Variants in MRTFB observed in about 807,000 individuals in gnomAD.
MRTFB encodes myocardin-related transcription factor B.
A neutral mutation model predicts 104.2 loss-of-function variants in MRTFB; 29 were observed. The observed-to-expected ratio is 0.28, with a 90% CI of 0.21 to 0.38. The LOEUF is 0.38. MRTFB is among the 10% of genes least tolerant of loss of function. MRTFB has a pLI of 1.00. For missense variants in MRTFB, 1,270 were observed against 1,341.6 expected (o/e 0.95, Z 0.83); for synonymous variants, 535 against 519.5 (o/e 1.03, Z -0.41).
Position 14,076,125 on chromosome 16 carries a change from C to CT in MRTFB, c.-128-3156dup, listed in dbSNP as rs111920871. On this transcript the variant is annotated intron_variant, in intron 1 of 16. Transcript: ENST00000571589. ...ACATACTATGTGAATATTTTCCTTG[C>CT]TTTTTTTTTAAAGTTAATATTATCT... Among the ~76,000 whole-genome samples, 21 of 150,440 alleles carry CT rather than the reference C, an allele frequency of 1.4e-4. 1 individual carries two copies. Among genetic ancestry groups the CT allele is most frequent in the Non-Finnish European group, 2.5e-4 (17 of 67,510 alleles).
chr16:14,076,887 G>A (rs967957087), intron 1 of MRTFB, among the ~76,000 whole-genome samples: 13 of 152,122 alleles, frequency 8.5e-5, no homozygotes, highest in African/African-American at 2.4e-4. Context: ...ATTATGAATC[G>A]GGGTGAGCAT....
At chr16:14,198,957 T>C (rs1157975833) in intron 3 of MRTFB, among the ~76,000 whole-genome samples, 1 of 152,226 alleles carries the variant, frequency 6.6e-6, no homozygotes, top group Non-Finnish European at 1.5e-5. Flanking sequence ...CCCTCTCTTT[T>C]GCTCTTCATC....
At chr16:14,154,619 G>A (rs1013516974) in intron 3 of MRTFB, among the ~76,000 whole-genome samples, 1 of 152,152 alleles carries the variant, frequency 6.6e-6, no homozygotes, top group Non-Finnish European at 1.5e-5. Context: ...CAGCTTCTGT[G>A]GGTCAGGAAT....
At chr16:14,067,976 C>T (rs976453201), upstream of MRTFB, among the ~76,000 whole-genome samples, 2 of 151,962 alleles carry the variant, frequency 1.3e-5, no homozygotes, top group Admixed American at 6.6e-5. Context: ...AGACTACAGC[C>T]GCCCGCCACC....
At chr16:14,251,709 AAC>A (rs1403783706) in intron 13 of MRTFB, among the ~76,000 whole-genome samples, 151 bp from the exon 14 acceptor site, 1 of 152,224 alleles carries the variant, frequency 6.6e-6, no homozygotes, top group African/African-American at 2.4e-5. Context: ...AAGTGGTAAC[AAC>A]AGAGGCCAGG....
At position 14,245,765 on chromosome 16, in the gene MRTFB, A is replaced by G. The variant is rs2042984937; in HGVS notation, c.1212+105A>G. 9 of 1,217,600 alleles carry G rather than the reference A, an allele frequency of 7.4e-6. 1 individual carries two copies. Among genetic ancestry groups the G allele is most frequent in the South Asian group, 3.2e-5 (2 of 61,920 alleles). The allele number at this position is 1,217,600 out of a possible 1,614,324, so 75.4% of individuals were successfully genotyped here. On this transcript the variant is annotated intron_variant, in intron 11 of 16. Transcript: ENST00000571589. ...TTAAGTAGTTTTCAGTAGACATTCA[A>G]CTTTACCAACAATATGATAATCTTT...
At chr16:14,135,104 G>A (rs1390058699) in intron 2 of MRTFB, among the ~76,000 whole-genome samples, 1 of 152,094 alleles carries the variant, frequency 6.6e-6, no homozygotes, top group Non-Finnish European at 1.5e-5. Context: ...TTTTTTCAGC[G>A]TTCTGGCCTT....
At chr16:14,188,062 A>G (rs1315597136) in intron 3 of MRTFB, among the ~76,000 whole-genome samples, 1 of 152,184 alleles carries the variant, frequency 6.6e-6, no homozygotes, top group Non-Finnish European at 1.5e-5. Flanking sequence ...CAAGAGTTAG[A>G]CTTGCTGGAG....
At chr16:14,180,806 G>A (rs1002011196) in intron 3 of MRTFB, among the ~76,000 whole-genome samples, 11 of 152,202 alleles carry the variant, frequency 7.2e-5, no homozygotes, top group Admixed American at 5.2e-4. Flanking sequence ...TGGAGGGGAG[G>A]GAGGTGCTGA....
intron 3 of MRTFB, among the ~76,000 whole-genome samples, chr16:14,184,113 C>T (rs1035482520): frequency 2.6e-4 from 36 of 138,170 alleles, no homozygotes; most frequent in African/African-American, 7.6e-4. Flanking sequence ...TTATTGTTTT[C>T]GTTGTTCTTT....
intron 3 of MRTFB, among the ~76,000 whole-genome samples, chr16:14,191,146 A>C (rs1031413472): frequency 2.6e-5 from 4 of 152,258 alleles, no homozygotes; most frequent in Admixed American, 6.5e-5. Flanking sequence ...TCCACTACGC[A>C]CATATGGCTG....
intron 3 of MRTFB, among the ~76,000 whole-genome samples, chr16:14,159,917 G>A (rs1381660939): frequency 1.0e-4 from 12 of 115,442 alleles, no homozygotes; most frequent in African/African-American, 3.9e-4. Context: ...GCGACAGAGC[G>A]AGACTCCGTC....
intron 3 of MRTFB, among the ~76,000 whole-genome samples, chr16:14,192,209 A>G (rs1192503769): frequency 2.3e-5 from 3 of 133,128 alleles, no homozygotes; most frequent in Non-Finnish European, 5.0e-5. Context: ...CCGTCTCTAC[A>G]AAAAAAAAAA....
At chr16:14,074,604 G>A (rs2033924809) in intron 1 of MRTFB, among the ~76,000 whole-genome samples, 1 of 152,006 alleles carries the variant, frequency 6.6e-6, no homozygotes, top group South Asian at 2.1e-4. Flanking sequence ...TTTCTTAGTA[G>A]GACATTATAT....
chr16:14,072,898 A>G lies in MRTFB; in HGVS notation c.-129+1533A>G, dbSNP rs527887018. Among the ~76,000 whole-genome samples the G allele has an allele frequency of 3.3e-5, 5 of 152,330 alleles. No individual in the cohort carries two copies. In the South Asian group the frequency reaches 1.0e-3, roughly 32 times the overall value. ...TATATTGTAGAATTTTTTGTGTCAC[A>G]CACTCGAAGGGACAATACTGGCTTC... On this transcript the variant is annotated intron_variant, in intron 1 of 16. Transcript: ENST00000571589.
At chr16:14,170,939 G>A (rs1054994849) in intron 3 of MRTFB, among the ~76,000 whole-genome samples, 1 of 152,046 alleles carries the variant, frequency 6.6e-6, no homozygotes, top group Non-Finnish European at 1.5e-5. Flanking sequence ...AAAAGTTTTT[G>A]TTCTTCCTCC....
chr16:14,240,781 T>G, intron 10 of MRTFB: 1 of 762,928 alleles, frequency 1.3e-6, no homozygotes, highest in Non-Finnish European at 2.4e-6. Context: ...TACTAGATGC[T>G]CTGAGAAAAG....
the MRTFB span, among the ~76,000 whole-genome samples, chr16:14,050,950 C>T: frequency 1.3e-5 from 2 of 152,172 alleles, no homozygotes; most frequent in African/African-American, 4.8e-5. Context: ...TCACCTAGGG[C>T]TCTACTTCCT....
chr16:14,164,076 A>G (rs1026013979), intron 3 of MRTFB, among the ~76,000 whole-genome samples: 5 of 152,104 alleles, frequency 3.3e-5, no homozygotes, highest in Non-Finnish European at 7.3e-5. Flanking sequence ...CCTCTCTTCT[A>G]ACTATTTTGA....
Sources: allele counts gnomAD v4.1 joint callset (sites outside exome capture counted in the v4.1 genomes callset), GRCh38; gene constraint gnomAD v4.1.1; transcripts MANE v1.5; gene names NCBI Gene and HGNC (gene_info 2026-07-23, HGNC 2026-07-21).